Variants in CYP7B1 observed in about 807,000 individuals in gnomAD.
The protein encoded by CYP7B1 is cytochrome P450 7B1.
In CYP7B1, 29 loss-of-function variants were observed where a neutral mutation model predicts 42.7. That is an observed-to-expected ratio of 0.68 (90% CI 0.51 to 0.93). The LOEUF is 0.93. Among genes scored for constraint, CYP7B1 ranks in the 40% least tolerant of loss-of-function variants. CYP7B1 has a pLI of 0.00. For synonymous variants in CYP7B1, 235 were observed against 218.2 expected (o/e 1.08, Z -0.68); for missense variants, 655 against 600.5 (o/e 1.09, Z -0.95).
intron 1 of CYP7B1, among the ~76,000 whole-genome samples, chr8:64,669,181 T>C (rs1806327576): frequency 6.6e-6 from 1 of 152,112 alleles, no homozygotes; most frequent in Admixed American, 6.6e-5. Flanking sequence ...TCTGAAAGAT[T>C]GATAATTCCA....
chr8:64,778,934 A>G (rs1322868524), intron 1 of CYP7B1, among the ~76,000 whole-genome samples: 1 of 152,138 alleles, frequency 6.6e-6, no homozygotes, highest in Non-Finnish European at 1.5e-5. Context: ...GCCAATGTTG[A>G]CCGTCAAGTG....
chr8:64,654,567 A>G (rs765074219), intron 1 of CYP7B1, among the ~76,000 whole-genome samples: 1 of 152,222 alleles, frequency 6.6e-6, no homozygotes, highest in Non-Finnish European at 1.5e-5. Context: ...GAATAGGAAG[A>G]ATCAATTTTA....
intron 5 of CYP7B1, among the ~76,000 whole-genome samples, chr8:64,597,877 C>T (rs1279171504): frequency 1.3e-5 from 2 of 152,194 alleles, no homozygotes; most frequent in Non-Finnish European, 2.9e-5. Flanking sequence ...TGCTCACACA[C>T]AACTTTGATA....
At chr8:64,682,076 C>A (rs148493881) in intron 1 of CYP7B1, among the ~76,000 whole-genome samples, 1 of 152,194 alleles carries the variant, frequency 6.6e-6, no homozygotes, top group Non-Finnish European at 1.5e-5. Flanking sequence ...AACATCTGAG[C>A]TGTGAGTTTA....
chr8:64,656,569 T>C (rs893690596), intron 1 of CYP7B1, among the ~76,000 whole-genome samples: 12 of 152,220 alleles, frequency 7.9e-5, no homozygotes, highest in African/African-American at 2.9e-4. Context: ...AGGGAAGGCC[T>C]AGCTGCCAAG....
chr8:64,727,250 G>A (rs1188613869), intron 1 of CYP7B1, among the ~76,000 whole-genome samples: 1 of 152,074 alleles, frequency 6.6e-6, no homozygotes, highest in African/African-American at 2.4e-5. Flanking sequence ...CTTCATTTGA[G>A]AGCCTAAATT....
intron 1 of CYP7B1, among the ~76,000 whole-genome samples, chr8:64,737,637 A>C (rs981125871): frequency 1.7e-4 from 26 of 152,330 alleles, no homozygotes; most frequent in African/African-American, 6.0e-4. Flanking sequence ...GAAGTCAATT[A>C]AACTGCATTG....
chr8:64,703,318 G>A (rs1390242743), intron 1 of CYP7B1, among the ~76,000 whole-genome samples: 1 of 151,926 alleles, frequency 6.6e-6, no homozygotes, highest in African/African-American at 2.4e-5. Context: ...TGATTTGCTT[G>A]AATTGCTTAA....
intron 1 of CYP7B1, among the ~76,000 whole-genome samples, chr8:64,691,750 C>T (rs984047770): frequency 6.6e-6 from 1 of 152,192 alleles, no homozygotes; most frequent in Non-Finnish European, 1.5e-5. Context: ...GCCCTTACTG[C>T]TCATCCAGTC....
intron 1 of CYP7B1, among the ~76,000 whole-genome samples, chr8:64,628,418 G>A (rs1209776377): frequency 2.0e-5 from 3 of 152,110 alleles, no homozygotes; most frequent in Non-Finnish European, 4.4e-5. Context: ...GGAGGCTGAG[G>A]GCAGGTCACT....
intron 1 of CYP7B1, among the ~76,000 whole-genome samples, chr8:64,716,969 T>C (rs1026888114): frequency 3.9e-5 from 6 of 152,208 alleles, no homozygotes; most frequent in African/African-American, 1.2e-4. Context: ...CTTTTGCCAG[T>C]TGTTGCTTCA....
At chr8:64,670,663 T>C (rs1296464277) in intron 1 of CYP7B1, among the ~76,000 whole-genome samples, 3 of 152,158 alleles carry the variant, frequency 2.0e-5, no homozygotes, top group Non-Finnish European at 4.4e-5. Flanking sequence ...CTCATTGTCA[T>C]TGTCACCTGC....
chr8:64,647,406 A>T (rs189761092), intron 1 of CYP7B1, among the ~76,000 whole-genome samples: 1 of 152,298 alleles, frequency 6.6e-6, no homozygotes, highest in African/African-American at 2.4e-5. Flanking sequence ...GTGCTGATAG[A>T]TTTGCTTAAT....
chr8:64,587,978 C>T (rs1024138783), downstream of CYP7B1, among the ~76,000 whole-genome samples: 1 of 152,188 alleles, frequency 6.6e-6, no homozygotes, highest in East Asian at 1.9e-4. Context: ...TTCTCCTTCT[C>T]AGCTTGGGAA....
chr8:64,766,932 ACT>A, intron 1 of CYP7B1, among the ~76,000 whole-genome samples: 1 of 152,034 alleles, frequency 6.6e-6, no homozygotes, highest in East Asian at 1.9e-4. Flanking sequence ...GTCCCAGACA[ACT>A]GTCCTCCAGA....
At chr8:64,642,601 G>A (rs1320886549) in intron 1 of CYP7B1, among the ~76,000 whole-genome samples, 1 of 152,152 alleles carries the variant, frequency 6.6e-6, no homozygotes, top group African/African-American at 2.4e-5. Context: ...ATGTAATTAA[G>A]GTTTGGTGAT....
intron 1 of CYP7B1, among the ~76,000 whole-genome samples, chr8:64,713,651 A>G (rs965964564): frequency 4.6e-5 from 7 of 152,144 alleles, no homozygotes; most frequent in African/African-American, 1.4e-4. Flanking sequence ...AGAAATAGCA[A>G]CAGAAACTAT....
intron 1 of CYP7B1, among the ~76,000 whole-genome samples, chr8:64,726,694 A>G (rs1807330016): frequency 6.6e-6 from 1 of 152,214 alleles, no homozygotes; most frequent in Non-Finnish European, 1.5e-5. Flanking sequence ...GCCTGTACAA[A>G]TACAGATAAC....
At chr8:64,636,975 A>C (rs1805783382) in intron 1 of CYP7B1, among the ~76,000 whole-genome samples, 1 of 152,222 alleles carries the variant, frequency 6.6e-6, no homozygotes. Context: ...CAATTCCATT[A>C]ACTCATAATT....
Sources: gnomAD v4.1 joint callset for allele counts (sites outside exome capture counted in the v4.1 genomes callset) on GRCh38, gnomAD v4.1.1 for gene constraint, MANE v1.5 for transcripts, NCBI Gene and HGNC (gene_info 2026-07-23, HGNC 2026-07-21) for gene names.